PLSCR3: variants seen among roughly 807,000 people sequenced by gnomAD.
PLSCR3 encodes the protein PL scramblase 3.
In PLSCR3, 17 loss-of-function variants were observed where a neutral mutation model predicts 33.7. That is an observed-to-expected ratio of 0.50 (90% CI 0.35 to 0.76). PLSCR3 has a LOEUF of 0.76. PLSCR3 is among the 30% of genes least tolerant of loss of function. The pLI, the probability that PLSCR3 is intolerant of heterozygous loss-of-function variation, is 0.01. For synonymous variants in PLSCR3, 166 were observed against 166.0 expected, an observed-to-expected ratio of 1.00 and a Z score of 0.00; for missense variants, 360 against 394.1, an observed-to-expected ratio of 0.91 and a Z score of 0.73.
rs534765323 is a variant in PLSCR3 at position 7,390,739 on chromosome 17, G to T, written c.726C>A (p.Gly242=). 5.6e-6 allele frequency: 9 copies of T among 1,613,970 alleles called. No individual in the cohort carries two copies. The Admixed American group carries it at 1.3e-4, about 24-fold the overall frequency. The part of the protein sequence containing the change: ...SVGRISKQWG[G]LVREALTDAD... ...CATCTGTGAGGGCTTCTCGGACCAG[G>T]CCCCCCCACTGCTTGCTGATGCGGC... Residue 242 remains glycine (G), a synonymous_variant, in exon 7 of 8, where the codon GGC becomes GGA. Transcript: ENST00000619711.
At position 7,392,963 on chromosome 17, in the gene PLSCR3, G is replaced by T. The variant is rs1438027596; in HGVS notation, c.508-11C>A. The T allele has an allele frequency of 4.4e-6, 7 of 1,606,878 alleles. No individual in the cohort carries two copies. In the Admixed American group the frequency reaches 1.2e-4, roughly 27 times the overall value. On this transcript the variant is annotated splice_polypyrimidine_tract_variant and intron_variant, in intron 5 of 7. Coordinates refer to ENST00000619711, the MANE Select transcript of PLSCR3 (RefSeq NM_020360.4). ...AGCCTGTACTTCCATCTGGGAGTGGGAAGCAGACAGGGTCACTGCGGAGGC... is the reference window on the plus strand; with the variant it reads ...AGCCTGTACTTCCATCTGGGAGTGGTAAGCAGACAGGGTCACTGCGGAGGC...
Position 7,394,458 on chromosome 17 carries a change from C to T in PLSCR3, c.-158+19G>A, listed in dbSNP as rs898467917. 4.3e-6 allele frequency: 1 copy of T among 232,574 alleles called. No individual in the cohort carries two copies. The highest frequency in any genetic ancestry group is 2.3e-5 in the African/African-American group (1 of 44,358). 14.4% of individuals were successfully genotyped at this position (232,574 alleles called of 1,614,324 possible). A position where few individuals can be genotyped will look rare whatever the true frequency, so the allele number is the denominator to read the frequency against. ...CACCCCAAGGGCGGTCTCCCTGACC[C>T]CTCTGTGCCCCCGCTCACCTGGAGC... On this transcript the variant is annotated intron_variant, in intron 1 of 7. Coordinates refer to ENST00000619711, the MANE Select transcript of PLSCR3 (RefSeq NM_020360.4). This position sits in a 1 kb window ranked among gnomAD's most constrained non-coding sequence, Gnocchi z 5.3.
Position 7,392,776 on chromosome 17 carries a change from T to A in PLSCR3, c.669+15A>T, listed in dbSNP as rs1029433672. 1 of 1,612,944 alleles carries A rather than the reference T, an allele frequency of 6.2e-7. No individual in the cohort carries two copies. Among genetic ancestry groups the A allele is most frequent in the Non-Finnish European group, 8.5e-7 (1 of 1,179,430 alleles). ...GGTTTACGAAGGTCCCAAGAGCCTCTAGTATTCCTGATACCTCAAAGTTGG... is the reference window on the plus strand; with the variant it reads ...GGTTTACGAAGGTCCCAAGAGCCTCAAGTATTCCTGATACCTCAAAGTTGG... On this transcript the variant is annotated intron_variant, in intron 6 of 7. Coordinates refer to ENST00000619711, the MANE Select transcript of PLSCR3 (RefSeq NM_020360.4).
chr17:7,393,294 C>G lies in PLSCR3; in HGVS notation c.357G>C (p.Ala119=). 6.2e-7 allele frequency: 1 copy of G among 1,609,954 alleles called. No homozygotes were observed. The highest frequency in any genetic ancestry group is 8.5e-7 in the Non-Finnish European group (1 of 1,179,762). ...GGGCGCAGCAGTTGCTCTCCTCGGC[C>G]GCCTGACCCAGGGGCTGCCCGGCCC... ...RSGAGQPLGQ[A]AEESNCCARL... Residue 119 remains alanine, a synonymous_variant, in exon 5 of 8, where the codon GCG becomes GCC. Coordinates refer to ENST00000619711, the MANE Select transcript of PLSCR3 (RefSeq NM_020360.4).
At chr17:7,390,938 C>G (rs1410679766) in intron 6 of PLSCR3, 143 bp from the exon 7 acceptor site, 1 of 808,974 alleles carries the variant, frequency 1.2e-6, no homozygotes, top group East Asian at 2.6e-5. Flanking sequence ...ACCGAGTGAT[C>G]GCTTTCCTAA....
In PLSCR3 at chr17:7,393,692, A is replaced by C; in HGVS notation, c.152T>G (p.Leu51Arg). The change falls in exon 3 of 8, where the codon CTC becomes CGC. Residue 51 changes from leucine to arginine, a missense_variant. Coordinates refer to ENST00000619711, the MANE Select transcript of PLSCR3 (RefSeq NM_020360.4). ...QVPAPAPGFALFPSPGPVALG... is the reference protein window; with the variant it reads ...QVPAPAPGFARFPSPGPVALG... The stretch of plus-strand genomic sequence containing the variant: ...GGCCACGGGGCCAGGCGAGGGGAAG[A>C]GGGCGAAGCCGGGAGCTGGGGCAGG... 6.3e-7 allele frequency: 1 copy of C among 1,575,316 alleles called. No individual in the cohort carries two copies. The highest frequency in any genetic ancestry group is 8.6e-7 in the Non-Finnish European group (1 of 1,167,154).
At chr17:7,393,395 A>T in intron 4 of PLSCR3, 31 bp from the exon 5 acceptor site, 1 of 1,613,344 alleles carries the variant, frequency 6.2e-7, no homozygotes. Flanking sequence ...AGACTCGTAG[A>T]GCCTCGCGCG....
rs1442385579 is a variant in PLSCR3 at position 7,393,478 on chromosome 17, T to C, written c.275A>G (p.Glu92Gly). The C allele has an allele frequency of 6.2e-7, 1 of 1,614,140 alleles. No individual in the cohort carries two copies. Among genetic ancestry groups the C allele is most frequent in the Non-Finnish European group, 8.5e-7 (1 of 1,180,006 alleles). Residue 92 changes from glutamate (E) to glycine (G), a missense_variant, in exon 4 of 8, where the codon GAG (glutamate) becomes GGG (glycine). Coordinates refer to ENST00000619711, the MANE Select transcript of PLSCR3 (RefSeq NM_020360.4). ...IDQILIHQKAERVETFLGWET... is the reference protein window; with the variant it reads ...IDQILIHQKAGRVETFLGWET... Reference sequence around the variant, plus strand: ...CTCCTTCTACTTACTTTCCACTCGCTCAGCCTTCTGGTGAATCAAAATCTG... The same window carrying C: ...CTCCTTCTACTTACTTTCCACTCGCCCAGCCTTCTGGTGAATCAAAATCTG...
In PLSCR3 at chr17:7,393,500, T is replaced by G. The variant is rs777383091; in HGVS notation, c.253A>C (p.Ile85Leu). Residue 85 changes from isoleucine to leucine, a missense_variant, in exon 4 of 8, where the codon ATT becomes CTT. Physicochemically the swap from Ile to Leu is conservative, Grantham distance 5. Transcript: ENST00000619711. ...GLEFLVQIDQ[I>L]LIHQKAERVE... is the part of the protein sequence containing the mutation. ...CGCTCAGCCTTCTGGTGAATCAAAA[T>G]CTGATCAATCTGGAAAGAGAGGGGC... The G allele has an allele frequency of 6.2e-7, 1 of 1,614,124 alleles. No individual in the cohort carries two copies. The highest frequency in any genetic ancestry group is 2.2e-5 in the East Asian group (1 of 44,868).
In PLSCR3 at chr17:7,394,221, G is replaced by A. The variant is rs1448693955; in HGVS notation, c.-111C>T. 2.8e-6 allele frequency: 3 copies of A among 1,073,582 alleles called. No individual in the cohort carries two copies. The allele number at this position is 1,073,582 out of a possible 1,614,324, so 66.5% of individuals were successfully genotyped here. ...ACACAGAGACAGACACAAAGACGGAGAGGCAGCTGCGCCCGGCGCCGGCCC... is the reference window on the plus strand; with the variant it reads ...ACACAGAGACAGACACAAAGACGGAAAGGCAGCTGCGCCCGGCGCCGGCCC... On this transcript the variant is annotated 5_prime_UTR_variant, in exon 2 of 8. Transcript: ENST00000619711. The surrounding 1 kb of genome is among the most constrained non-coding windows in gnomAD (Gnocchi z 5.3).
chr17:7,392,151 C>T (rs975322323), intron 6 of PLSCR3, among the ~76,000 whole-genome samples: 1 of 152,202 alleles, frequency 6.6e-6, no homozygotes, highest in Non-Finnish European at 1.5e-5. Context: ...TGCCATAGCA[C>T]TCCCACCTGG....
chr17:7,394,275 G>A lies in PLSCR3; in HGVS notation c.-157-8C>T. ...GTCTCTTGGGCGGCGCCTCTGACTC[G>A]GGGAGAAACCCAAGTGTCAGTGGGC... On this transcript the variant is annotated splice_polypyrimidine_tract_variant and splice_region_variant and intron_variant, in intron 1 of 7. Transcript: ENST00000619711. The surrounding 1 kb of genome is among the most constrained non-coding windows in gnomAD (Gnocchi z 5.3). 1.6e-6 allele frequency: 1 copy of A among 609,870 alleles called. No individual in the cohort carries two copies. Among genetic ancestry groups the A allele is most frequent in the Non-Finnish European group, 2.9e-6 (1 of 347,950 alleles). 37.8% of individuals were successfully genotyped at this position (609,870 alleles called of 1,614,324 possible).
At chr17:7,390,590 AGC>A in intron 7 of PLSCR3, 42 bp downstream of exon 7, 3 of 1,609,566 alleles carry the variant, frequency 1.9e-6, no homozygotes, top group Non-Finnish European at 2.6e-6. Context: ...TTCAAATGAC[AGC>A]AAAGGACAGG....
chr17:7,392,209 C>CAAAA (rs750121876), intron 6 of PLSCR3, among the ~76,000 whole-genome samples: 1 of 151,944 alleles, frequency 6.6e-6, no homozygotes, highest in Non-Finnish European at 1.5e-5. Flanking sequence ...AAAAAACAAA[C>CAAAA]AAAAAAAGAA....
Position 7,392,923 on chromosome 17 carries a change from G to A in PLSCR3, c.537C>T (p.Thr179=). 6.2e-7 allele frequency: 1 copy of A among 1,613,708 alleles called. No homozygotes were observed. The highest frequency in any genetic ancestry group is 8.5e-7 in the Non-Finnish European group (1 of 1,179,752). ...EMEVQAPPGT[T]IGHVLQTWHP... is the part of the protein sequence containing the mutation. ...GCCAGGTCTGTAGCACGTGGCCAAT[G>A]GTGGTGCCTGGTGGAGCCTGTACTT... Residue 179 remains threonine, a synonymous_variant, in exon 6 of 8, where the codon ACC becomes ACT. Coordinates refer to ENST00000619711, the MANE Select transcript of PLSCR3 (RefSeq NM_020360.4).
Position 7,393,499 on chromosome 17 carries a change from A to C in PLSCR3, c.254T>G (p.Ile85Ser). The C allele has an allele frequency of 6.2e-7, 1 of 1,614,144 alleles. No individual in the cohort carries two copies. The highest frequency in any genetic ancestry group is 8.5e-7 in the Non-Finnish European group (1 of 1,180,016). The change falls in exon 4 of 8, where the codon ATT becomes AGT. Residue 85 changes from isoleucine to serine, a missense_variant. Physicochemically the swap from Ile to Ser is moderately radical, Grantham distance 142 (BLOSUM62 -2). Transcript: ENST00000619711. ...TCGCTCAGCCTTCTGGTGAATCAAA[A>C]TCTGATCAATCTGGAAAGAGAGGGG... ...GLEFLVQIDQ[I>S]LIHQKAERVE...
At chr17:7,393,423 C>A in intron 4 of PLSCR3, 44 bp downstream of exon 4, 1 of 1,612,928 alleles carries the variant, frequency 6.2e-7, no homozygotes, top group East Asian at 2.2e-5. Flanking sequence ...GCCCACCATC[C>A]GGGCCACCAT....
At chr17:7,390,474 G>C (rs1264347586) in intron 7 of PLSCR3, 33 bp from the exon 8 acceptor site, 1 of 1,584,382 alleles carries the variant, frequency 6.3e-7, no homozygotes, top group Non-Finnish European at 8.6e-7. Context: ...GGGAGATCCG[G>C]CTGGGCCAGC....
chr17:7,390,701 C>G lies in PLSCR3; in HGVS notation c.764G>C (p.Gly255Ala). 3 of 1,614,182 alleles carry G rather than the reference C, an allele frequency of 1.9e-6. No individual in the cohort carries two copies. The highest frequency in any genetic ancestry group is 2.5e-6 in the Non-Finnish European group (3 of 1,180,022). Residue 255 changes from glycine to alanine, a missense_variant, in exon 7 of 8, where the codon GGC (glycine) becomes GCC (alanine). Coordinates refer to ENST00000619711, the MANE Select transcript of PLSCR3 (RefSeq NM_020360.4). ...ATCCAGGTCCAGCGGGAACTGTAGG[C>G]CAAAGTCATCTGCATCTGTGAGGGC... ...REALTDADDF[G>A]LQFPLDLDVR... is the part of the protein sequence containing the mutation.
Sources: allele counts gnomAD v4.1 joint callset (sites outside exome capture counted in the v4.1 genomes callset), GRCh38; gene constraint gnomAD v4.1.1; non-coding constraint Gnocchi (gnomAD v3.1); transcripts MANE v1.5; gene names NCBI Gene and HGNC (gene_info 2026-07-23, HGNC 2026-07-21).